Variants in EXO1 observed in about 807,000 individuals in gnomAD.
The protein encoded by EXO1 is exonuclease 1.
EXO1 carries 69 observed loss-of-function variants against 84.5 expected under a neutral mutation model. That is an observed-to-expected ratio of 0.82 (90% CI 0.67 to 1.00). The LOEUF is 1.00. Ranked by LOEUF, EXO1 falls within the 50% of genes least tolerant of loss-of-function variation. EXO1 has a pLI of 0.00. For missense variants in EXO1, 1,045 were observed against 1,000.7 expected (o/e 1.04, Z -0.60); for synonymous variants, 373 against 366.1 (o/e 1.02, Z -0.21).
At chr1:241,885,661 A>G (rs745369612) in intron 15 of EXO1, 154 bp downstream of exon 15, 5 of 687,376 alleles carry the variant, frequency 7.3e-6, no homozygotes, top group South Asian at 1.5e-5. Context: ...CTAACTCTTT[A>G]TACTTAATAT....
Position 241,885,432 on chromosome 1 carries a change from A to G in EXO1, c.2330A>G (p.Lys777Arg). ...SKKPASIQKRKHHNAENKPGL... is the reference protein window; with the variant it reads ...SKKPASIQKRRHHNAENKPGL... ...AAGCCGGCAAGCATCCAGAAGAGAA[A>G]GCATCATAATGCCGAGAACAAGCCG... is the stretch of plus-strand genomic sequence containing the variant. Residue 777 changes from lysine to arginine, a missense_variant, in exon 15 of 16, where the codon AAG becomes AGG. By Grantham distance (26) the Lys-to-Arg change is conservative. Transcript: ENST00000366548. 1.2e-6 allele frequency: 2 copies of G among 1,613,950 alleles called. No homozygotes were observed. Among genetic ancestry groups the G allele is most frequent in the Non-Finnish European group, 1.7e-6 (2 of 1,179,886 alleles).
chr1:241,849,416 G>C (rs1660528988), intron 3 of EXO1, among the ~76,000 whole-genome samples, 200 bp downstream of exon 3: 1 of 152,150 alleles, frequency 6.6e-6, no homozygotes, highest in Admixed American at 6.5e-5. Context: ...GGGCTTAGGG[G>C]GCTGCAACCG....
chr1:241,887,664 A>G (rs1335071780), intron 15 of EXO1, among the ~76,000 whole-genome samples: 2 of 152,082 alleles, frequency 1.3e-5, no homozygotes, highest in East Asian at 1.9e-4. Context: ...TTTGAGACAG[A>G]GTCTCTCTTT....
rs1364409897 is a variant in EXO1 at position 241,853,406 on chromosome 1, GA to G, written c.333del (p.Val112SerfsTer22). 4 of 1,613,722 alleles carry G rather than the reference GA, an allele frequency of 2.5e-6. No individual in the cohort carries two copies. Among genetic ancestry groups the G allele is most frequent in the Non-Finnish European group, 3.4e-6 (4 of 1,179,810 alleles). On this transcript the variant is annotated frameshift_variant, in exon 6 of 16. Coordinates refer to ENST00000366548, the MANE Select transcript of EXO1 (RefSeq NM_130398.4). LOFTEE classifies it high-confidence loss of function. ...AGGGAAAGCAACTTCTTCGTGAGGG[GA>G]AAGTCTCGGAAGCTCGAGAGTGTTT... ...LKGKQLLREG[K>X]VSEARECFTR...
chr1:241,856,699 G>A (rs543052292), intron 6 of EXO1, among the ~76,000 whole-genome samples: 2 of 152,108 alleles, frequency 1.3e-5, no homozygotes, highest in African/African-American at 2.4e-5. Context: ...TATATTTTCG[G>A]AACATAGCCA....
Position 241,882,858 on chromosome 1 carries a change from A to G in EXO1, c.2211+841A>G, listed in dbSNP as rs192237556. On this transcript the variant is annotated intron_variant, in intron 14 of 15. Transcript: ENST00000366548. ...GTATAGTGAGATAATCACATGTTTTAAAAAGTAAGTATTGGTCTGCCATTT... is the reference window on the plus strand; with the variant it reads ...GTATAGTGAGATAATCACATGTTTTGAAAAGTAAGTATTGGTCTGCCATTT... Among the ~76,000 whole-genome samples, 51 of 152,318 alleles carry G rather than the reference A, an allele frequency of 3.3e-4. No homozygotes were observed. The East Asian group carries it at 9.2e-3, about 28-fold the overall frequency.
rs982446674 is a variant in EXO1, at chr1:241,850,435, C to T, written c.10C>T (p.Gln4Ter). The T allele has an allele frequency of 1.2e-6, 2 of 1,613,466 alleles. No homozygotes were observed. The highest frequency in any genetic ancestry group is 1.3e-5 in the African/African-American group (1 of 75,024). The part of the protein sequence containing the change: MGI[Q>*]GLLQFIKEAS... ...TAGTTAATTTGGCACCATGGGGATA[C>T]AGGGATTGCTACAATTTATCAAAGA... The change falls in exon 4 of 16, where the codon CAG (glutamine) becomes TAG (stop). Residue 4 changes from glutamine (Q) to a stop codon, truncating the protein, a stop_gained. Coordinates refer to ENST00000366548, the MANE Select transcript of EXO1 (RefSeq NM_130398.4). LOFTEE classifies it high-confidence loss of function.
Position 241,879,023 on chromosome 1 carries a change from A to G in EXO1, c.1789A>G (p.Ile597Val). The G allele has an allele frequency of 1.2e-6, 2 of 1,614,170 alleles. No individual in the cohort carries two copies. The highest frequency in any genetic ancestry group is 1.7e-6 in the Non-Finnish European group (2 of 1,180,034). ...TGAGAGCAGCAAATTTACAAGGACC[A>G]TTTCACCACCCACTTTGGGAACACT... ...SFESSKFTRT[I>V]SPPTLGTLRS... The change falls in exon 13 of 16, where the codon ATT (isoleucine) becomes GTT (valine). Residue 597 changes from isoleucine to valine, a missense_variant. By Grantham distance (29) the Ile-to-Val change is conservative. Coordinates refer to ENST00000366548, the MANE Select transcript of EXO1 (RefSeq NM_130398.4).
Position 241,883,604 on chromosome 1 carries a change from G to A in EXO1, c.2211+1587G>A, listed in dbSNP as rs373932232. 3.3e-4 allele frequency among the ~76,000 whole-genome samples: 50 copies of A among 152,196 alleles called. No individual in the cohort carries two copies. In the South Asian group the frequency reaches 0.01, roughly 31 times the overall value. ...CCACAGCAAATTCCAGTACATTAAA[G>A]ATACAAATATGAAATATGTAAATAT... On this transcript the variant is annotated intron_variant, in intron 14 of 15. Coordinates refer to ENST00000366548, the MANE Select transcript of EXO1 (RefSeq NM_130398.4).
rs147963292 is a variant in EXO1 at position 241,852,397 on chromosome 1, G to C, written c.267G>C (p.Glu89Asp). The C allele has an allele frequency of 1.1e-4, 173 of 1,597,138 alleles. No homozygotes were observed. In the African/African-American group the frequency reaches 2.1e-3, roughly 20 times the overall value. Residue 89 changes from glutamate to aspartate, a missense_variant, in exon 5 of 16, where the codon GAG becomes GAC. Physicochemically the swap from Glu to Asp is conservative, Grantham distance 45 (BLOSUM62 2). Coordinates refer to ENST00000366548, the MANE Select transcript of EXO1 (RefSeq NM_130398.4). Reference sequence around the variant, plus strand: ...CTTTACCTTCTAAAAAGGAAGTAGAGAGATCTAGAAGAGAGTAAGTTAATT... The same window carrying C: ...CTTTACCTTCTAAAAAGGAAGTAGACAGATCTAGAAGAGAGTAAGTTAATT... ...GCTLPSKKEVERSRRERRQAN... is the reference protein window; with the variant it reads ...GCTLPSKKEVDRSRRERRQAN...
intron 10 of EXO1, 53 bp downstream of exon 10, chr1:241,861,555 T>G: frequency 1.0e-6 from 1 of 975,808 alleles, no homozygotes; most frequent in Non-Finnish European, 1.7e-6. Flanking sequence ...TGTCCCGAGC[T>G]GTGATTAAAG....
chr1:241,885,224 A>ATAAATAAATAAG (rs1662990348), intron 14 of EXO1, 90 bp from the exon 15 acceptor site: 3 of 704,096 alleles, frequency 4.3e-6, no homozygotes, highest in African/African-American at 3.7e-5. Context: ...AAATAAATAA[A>ATAAATAAATAAG]TAAATAAATA....
At chr1:241,854,141 CGTTT>C (rs1050919707) in intron 6 of EXO1, among the ~76,000 whole-genome samples, 11 of 151,962 alleles carry the variant, frequency 7.2e-5, no homozygotes, top group East Asian at 3.9e-4. Flanking sequence ...TTTTTTTGTT[CGTTT>C]GTTTGTTTTG....
chr1:241,859,775 G>C (rs1485312297), intron 8 of EXO1, among the ~76,000 whole-genome samples: 1 of 152,122 alleles, frequency 6.6e-6, no homozygotes, highest in African/African-American at 2.4e-5. Flanking sequence ...TCTGGACATT[G>C]CTACTTTGTA....
chr1:241,851,721 C>T (rs1421465236), intron 4 of EXO1, among the ~76,000 whole-genome samples: 3 of 152,114 alleles, frequency 2.0e-5, no homozygotes, highest in Non-Finnish European at 1.5e-5. Flanking sequence ...GCTCATCTGC[C>T]ATTGAGAAAT....
intron 11 of EXO1, 93 bp from the exon 12 acceptor site, chr1:241,871,939 A>C: frequency 1.9e-6 from 1 of 534,718 alleles, no homozygotes. Flanking sequence ...TAAAGTCCTT[A>C]TTTTTAGGAC....
intron 11 of EXO1, among the ~76,000 whole-genome samples, chr1:241,868,097 G>A (rs1273322925): frequency 2.6e-5 from 4 of 151,864 alleles, no homozygotes; most frequent in Non-Finnish European, 5.9e-5. Context: ...TTTTAAGGCC[G>A]GGTGCGGTGG....
intron 10 of EXO1, among the ~76,000 whole-genome samples, chr1:241,866,562 AT>A (rs34121929): frequency 0.011 from 1,325 of 119,122 alleles, 19 homozygotes; most frequent in African/African-American, 0.039. Flanking sequence ...GCAACTCTTG[AT>A]TTTTTTTTTT....
At chr1:241,850,153 C>A (rs940354339) in intron 3 of EXO1, among the ~76,000 whole-genome samples, 3 of 152,002 alleles carry the variant, frequency 2.0e-5, no homozygotes, top group African/African-American at 7.2e-5. Context: ...CGGTGGCGGG[C>A]GCCTGTAGTC....
Sources: gnomAD v4.1 joint callset for allele counts (sites outside exome capture counted in the v4.1 genomes callset) on GRCh38, gnomAD v4.1.1 for gene constraint, MANE v1.5 for transcripts, NCBI Gene and HGNC (gene_info 2026-07-23, HGNC 2026-07-21) for gene names.